Variants in DAB1 observed in about 807,000 individuals in gnomAD.
DAB1 encodes the protein disabled homolog 1.
In DAB1, 15 loss-of-function variants were observed where a neutral mutation model predicts 64.6. The ratio of observed to expected loss-of-function variants is 0.23; its 90% CI spans 0.16 to 0.36. The LOEUF (loss-of-function observed/expected upper bound fraction) is 0.36. Ranked by LOEUF, DAB1 falls within the 10% of genes least tolerant of loss-of-function variation. DAB1 has a pLI of 1.00. For synonymous variants in DAB1, 235 were observed against 251.9 expected, an observed-to-expected ratio of 0.93 and a Z score of 0.64; for missense variants, 596 against 706.7, an observed-to-expected ratio of 0.84 and a Z score of 1.78.
At chr1:58,390,004 T>G (rs1221580523) in intron 3 of DAB1, among the ~76,000 whole-genome samples, 1 of 152,062 alleles carries the variant, frequency 6.6e-6, no homozygotes, top group Admixed American at 6.5e-5. Context: ...CATAGCTCCC[T>G]GGTTCCTCTC....
intron 7 of DAB1, among the ~76,000 whole-genome samples, chr1:57,430,355 A>C (rs1685453866): frequency 6.6e-6 from 1 of 151,906 alleles, no homozygotes; most frequent in Admixed American, 6.6e-5. Flanking sequence ...TTCTATGTAC[A>C]TAAAGCTCTC....
chr1:57,811,503 T>A (rs1236347774), intron 6 of DAB1, among the ~76,000 whole-genome samples: 1 of 152,208 alleles, frequency 6.6e-6, no homozygotes, highest in Non-Finnish European at 1.5e-5. Flanking sequence ...GAGCAGATGC[T>A]AGCATCATGC....
At chr1:58,332,568 T>C (rs1662995771) in intron 4 of DAB1, among the ~76,000 whole-genome samples, 1 of 152,184 alleles carries the variant, frequency 6.6e-6, no homozygotes, top group Non-Finnish European at 1.5e-5. Flanking sequence ...AAAATACTTG[T>C]TGTTAAAAAT....
intron 3 of DAB1, among the ~76,000 whole-genome samples, chr1:58,376,646 G>A (rs1245526372): frequency 6.9e-6 from 1 of 144,364 alleles, no homozygotes; most frequent in Middle Eastern, 3.6e-3. Context: ...TGAAAAAAAT[G>A]TATATTCTGT....
intron 5 of DAB1, among the ~76,000 whole-genome samples, chr1:57,988,337 G>A (rs1255710187): frequency 6.6e-6 from 1 of 152,192 alleles, no homozygotes; most frequent in Non-Finnish European, 1.5e-5. Context: ...TCACTCTGTG[G>A]CTGTGTCACC....
chr1:57,586,056 G>T (rs768605087), intron 7 of DAB1, among the ~76,000 whole-genome samples: 1 of 152,104 alleles, frequency 6.6e-6, no homozygotes, highest in Non-Finnish European at 1.5e-5. Flanking sequence ...CACATCAGGA[G>T]GGTTGATCCA....
intron 3 of DAB1, among the ~76,000 whole-genome samples, chr1:58,406,744 C>T (rs918652295): frequency 1.3e-4 from 19 of 151,238 alleles, no homozygotes; most frequent in African/African-American, 4.6e-4. Flanking sequence ...TCACCAACCT[C>T]TGCCTCCCAC....
chr1:57,688,165 T>C (rs1410256100), intron 6 of DAB1, among the ~76,000 whole-genome samples: 2 of 152,064 alleles, frequency 1.3e-5, no homozygotes, highest in Non-Finnish European at 2.9e-5. Context: ...AAACTACACA[T>C]CTGACAAAGA....
chr1:57,847,083 G>A (rs1465864604), intron 1 of DAB1, among the ~76,000 whole-genome samples: 2 of 152,184 alleles, frequency 1.3e-5, no homozygotes, highest in Non-Finnish European at 2.9e-5. Context: ...GCTTTATACA[G>A]CTGTGATAAG....
At chr1:58,521,533 C>G (rs1030786274) in intron 2 of DAB1, among the ~76,000 whole-genome samples, 1 of 150,542 alleles carries the variant, frequency 6.6e-6, no homozygotes, top group Non-Finnish European at 1.5e-5. Context: ...TAAAATCTAG[C>G]AAAAAAAAGA....
At chr1:57,623,136 A>T (rs988862948) in intron 7 of DAB1, among the ~76,000 whole-genome samples, 2 of 152,190 alleles carry the variant, frequency 1.3e-5, no homozygotes, top group African/African-American at 4.8e-5. Context: ...GCATGCCATC[A>T]AACGAGCCTG....
chr1:57,542,314 G>C (rs1039727650), intron 7 of DAB1, among the ~76,000 whole-genome samples: 1 of 151,692 alleles, frequency 6.6e-6, no homozygotes, highest in Non-Finnish European at 1.5e-5. Context: ...GGATGGGTTT[G>C]GTTTATTCTG....
chr1:58,337,127 C>A (rs1663136524), intron 4 of DAB1, among the ~76,000 whole-genome samples: 1 of 151,686 alleles, frequency 6.6e-6, no homozygotes, highest in South Asian at 2.1e-4. Flanking sequence ...ACTAAAAATA[C>A]AAAAATTAGC....
At chr1:57,856,355 G>T (rs1410899453) in intron 1 of DAB1, among the ~76,000 whole-genome samples, 1 of 152,208 alleles carries the variant, frequency 6.6e-6, no homozygotes, top group Admixed American at 6.5e-5. Context: ...TGCTCCCTAA[G>T]AGAGGAAGAG....
intron 3 of DAB1, among the ~76,000 whole-genome samples, chr1:58,376,070 T>C (rs1275616605): frequency 1.3e-5 from 2 of 152,134 alleles, no homozygotes; most frequent in Non-Finnish European, 2.9e-5. Flanking sequence ...GATTCTTCTC[T>C]CTTTTTTTCT....
At chr1:57,077,103 G>A (rs1652060857) in intron 4 of DAB1, among the ~76,000 whole-genome samples, 1 of 152,160 alleles carries the variant, frequency 6.6e-6, no homozygotes, top group South Asian at 2.1e-4. Context: ...ATCAAAGAAG[G>A]CTTGACGAAG....
At chr1:58,233,919 A>C (rs1659898132) in intron 4 of DAB1, among the ~76,000 whole-genome samples, 1 of 152,212 alleles carries the variant, frequency 6.6e-6, no homozygotes, top group South Asian at 2.1e-4. Flanking sequence ...ATTATTCCAG[A>C]ACGGCAAGCT....
intron 2 of DAB1, among the ~76,000 whole-genome samples, chr1:57,223,917 A>G (rs553890071): frequency 4.1e-4 from 63 of 152,282 alleles, no homozygotes; most frequent in African/African-American, 1.5e-3. Context: ...TCATGGGGAA[A>G]ACTGGCTTTG....
intron 5 of DAB1, among the ~76,000 whole-genome samples, chr1:58,050,605 C>G (rs1207933429): frequency 6.6e-6 from 1 of 152,154 alleles, no homozygotes; most frequent in South Asian, 2.1e-4. Context: ...TCTCGGCTCA[C>G]TGCAAGCTCC....
Sources: allele counts gnomAD v4.1 joint callset (sites outside exome capture counted in the v4.1 genomes callset), GRCh38; gene constraint gnomAD v4.1.1; transcripts MANE v1.5; gene names NCBI Gene and HGNC (gene_info 2026-07-23, HGNC 2026-07-21).